Variants in AGMO observed in about 807,000 individuals in gnomAD.
AGMO encodes alkylglycerol monooxygenase.
AGMO carries 75 observed loss-of-function variants against 60.2 expected under a neutral mutation model. That is an observed-to-expected ratio of 1.25 (90% confidence interval 1.03 to 1.51). The LOEUF (loss-of-function observed/expected upper bound fraction) is 1.51, where lower values mean the gene tolerates loss of function less well. Ranked by LOEUF, AGMO falls within the 40% of genes most tolerant of loss-of-function variation. The probability of loss-of-function intolerance (pLI) is 0.00; values close to 1 mark genes in which losing one functional copy is unlikely to be tolerated. For missense variants in AGMO, 763 were observed against 525.5 expected, an observed-to-expected ratio of 1.45 and a Z score of -4.42; for synonymous variants, 261 against 177.1, an observed-to-expected ratio of 1.47 and a Z score of -3.76.
intron 3 of AGMO, among the ~76,000 whole-genome samples, chr7:15,471,130 A>G (rs1413049491): frequency 1.3e-5 from 2 of 151,928 alleles, no homozygotes; most frequent in African/African-American, 4.8e-5. Context: ...CATAAATCAG[A>G]ATTGTGCCCA....
intron 10 of AGMO, among the ~76,000 whole-genome samples, chr7:15,369,669 T>C (rs1256081063): frequency 2.0e-5 from 3 of 152,154 alleles, no homozygotes; most frequent in Admixed American, 6.6e-5. Flanking sequence ...TCCACTTCTA[T>C]ACACGTATAT....
intron 12 of AGMO, among the ~76,000 whole-genome samples, chr7:15,349,878 G>C (rs1354985849): frequency 1.3e-5 from 2 of 152,106 alleles, no homozygotes; most frequent in Non-Finnish European, 2.9e-5. Flanking sequence ...CCCAGTGATT[G>C]AATTACCTCT....
chr7:15,461,995 C>A (rs984547921), intron 3 of AGMO, among the ~76,000 whole-genome samples: 1 of 151,960 alleles, frequency 6.6e-6, no homozygotes, highest in Non-Finnish European at 1.5e-5. Flanking sequence ...CTTCAAATGA[C>A]CACAAGTCCA....
chr7:15,118,518 A>C, the AGMO span, among the ~76,000 whole-genome samples: 32 of 152,220 alleles, frequency 2.1e-4, no homozygotes, highest in African/African-American at 7.7e-4. Flanking sequence ...TCCCTATCTA[A>C]CAAAAAACAG....
the AGMO span, among the ~76,000 whole-genome samples, chr7:15,189,631 C>A: frequency 6.6e-6 from 1 of 152,022 alleles, no homozygotes; most frequent in East Asian, 1.9e-4. Flanking sequence ...CACAGCGCAT[C>A]GCACCTTCCA....
At chr7:15,352,777 C>G (rs1400374629) in intron 12 of AGMO, among the ~76,000 whole-genome samples, 1 of 151,764 alleles carries the variant, frequency 6.6e-6, no homozygotes, top group Non-Finnish European at 1.5e-5. Flanking sequence ...GAGCCATTAT[C>G]TAGTATCTGA....
chr7:15,466,695 G>C (rs999178913), intron 3 of AGMO, among the ~76,000 whole-genome samples: 1 of 152,138 alleles, frequency 6.6e-6, no homozygotes, highest in African/African-American at 2.4e-5. Context: ...AAGAGGACTA[G>C]ATTGTATATA....
chr7:15,557,243 A>G (rs923950358), intron 2 of AGMO, among the ~76,000 whole-genome samples: 1 of 152,156 alleles, frequency 6.6e-6, no homozygotes, highest in African/African-American at 2.4e-5. Context: ...TTCTTTTGTC[A>G]GAGGCCACAT....
At chr7:15,510,172 TG>T (rs1394927013) in intron 3 of AGMO, among the ~76,000 whole-genome samples, 1 of 152,068 alleles carries the variant, frequency 6.6e-6, no homozygotes. Flanking sequence ...AAGCATCTTT[TG>T]TTTTGTTTTT....
At chr7:15,435,670 T>A (rs535094584) in intron 3 of AGMO, among the ~76,000 whole-genome samples, 231 of 152,306 alleles carry the variant, frequency 1.5e-3, no homozygotes, top group African/African-American at 5.3e-3. Context: ...GCCTTTTTTT[T>A]AAATAGTGTC....
At chr7:15,400,808 G>A (rs74869898) in intron 5 of AGMO, among the ~76,000 whole-genome samples, 16,183 of 152,112 alleles carry the variant, frequency 0.11, 1,124 homozygotes, top group South Asian at 0.19. Flanking sequence ...GGTGATCATT[G>A]GCAAGTGAAT....
In AGMO at chr7:15,483,310, T is replaced by C. The variant is rs575569136; in HGVS notation, c.410-52202A>G. Among the ~76,000 whole-genome samples the C allele has an allele frequency of 1.1e-4, 17 of 152,334 alleles. 1 individual carries two copies. The South Asian group carries it at 3.5e-3, about 32-fold the overall frequency. Reference sequence around the variant, plus strand: ...GATATAAAAAACATTAAATTGCCTGTAATCCCAGCACCTTGGGAGGCCGAG... The same window carrying C: ...GATATAAAAAACATTAAATTGCCTGCAATCCCAGCACCTTGGGAGGCCGAG... On this transcript the variant is annotated intron_variant, in intron 3 of 12. Coordinates refer to ENST00000342526, the MANE Select transcript of AGMO (RefSeq NM_001004320.2).
chr7:15,385,450 G>A lies in AGMO; in HGVS notation c.1070C>T (p.Thr357Ile). 3 of 1,565,374 alleles carry A rather than the reference G, an allele frequency of 1.9e-6. No individual in the cohort carries two copies. The highest frequency in any genetic ancestry group is 2.6e-6 in the Non-Finnish European group (3 of 1,137,196). ...LAFYEETFADTAALSQVTLLL... is the reference protein window; with the variant it reads ...LAFYEETFADIAALSQVTLLL... The stretch of plus-strand genomic sequence containing the variant: ...CTTAAAATGGATATTACTTACAGCT[G>A]TATCTGCAAAGGTCTCTTCATAAAA... Residue 357 changes from threonine to isoleucine, a missense_variant, in exon 10 of 13, where the codon ACA (threonine) becomes ATA (isoleucine). Thr to Ile is a moderately conservative substitution (Grantham distance 89). Coordinates refer to ENST00000342526, the MANE Select transcript of AGMO (RefSeq NM_001004320.2).
At chr7:15,198,257 C>CAGAGAGAGAGAGAGAGAGAGAGAGAG, downstream of AGMO, among the ~76,000 whole-genome samples, 1 of 56,588 alleles carries the variant, frequency 1.8e-5, no homozygotes, top group African/African-American at 9.8e-5. Flanking sequence ...GAGAGAGAGA[C>CAGAGAGAGAGAGAGAGAGAGAGAGAG]AGAGACAGAG....
chr7:15,542,357 T>C (rs1048201058), intron 3 of AGMO, among the ~76,000 whole-genome samples: 5 of 152,198 alleles, frequency 3.3e-5, no homozygotes, highest in Admixed American at 6.5e-5. Context: ...AAATTTCTAA[T>C]GAGAAGCATA....
At chr7:15,298,581 T>A (rs558282536) in intron 12 of AGMO, among the ~76,000 whole-genome samples, 240 of 152,204 alleles carry the variant, frequency 1.6e-3, no homozygotes, top group African/African-American at 5.6e-3. Context: ...TGTGTATTTT[T>A]TGAAGAGACT....
chr7:15,173,278 C>G, the AGMO span, among the ~76,000 whole-genome samples: 1 of 151,998 alleles, frequency 6.6e-6, no homozygotes, highest in Non-Finnish European at 1.5e-5. Flanking sequence ...TGCACATAAA[C>G]TAATTCAAAG....
At chr7:15,527,414 A>AC (rs1207688618) in intron 3 of AGMO, among the ~76,000 whole-genome samples, 1 of 152,146 alleles carries the variant, frequency 6.6e-6, no homozygotes, top group East Asian at 1.9e-4. Context: ...CCAGAGCAAG[A>AC]CCCTAAGTCT....
Position 15,354,314 on chromosome 7 carries a change from G to A in AGMO, c.1263+11200C>T, listed in dbSNP as rs199925215. ...GATAAATATATATACGTGTATACAC[G>A]CGTGTATATACGTACGCGTGTATAT... On this transcript the variant is annotated intron_variant, in intron 12 of 12. Transcript: ENST00000342526. 4.8e-4 allele frequency among the ~76,000 whole-genome samples: 31 copies of A among 64,748 alleles called. 5 individuals are homozygous for A. The highest frequency in any genetic ancestry group is 1.1e-3 in the African/African-American group (10 of 9,090). 42.5% of individuals were successfully genotyped at this position (64,748 alleles called of 152,430 possible).
Sources: gnomAD v4.1 joint callset for allele counts (sites outside exome capture counted in the v4.1 genomes callset) on GRCh38, gnomAD v4.1.1 for gene constraint, MANE v1.5 for transcripts, NCBI Gene and HGNC (gene_info 2026-07-23, HGNC 2026-07-21) for gene names.